The following TRIO variants were observed in gnomAD, a reference collection of about 807,000 sequenced individuals.
The protein encoded by TRIO is triple functional domain protein.
In TRIO, 58 loss-of-function variants were observed where a neutral mutation model predicts 351.9. That is an observed-to-expected ratio of 0.16 (90% CI 0.13 to 0.21). TRIO has a LOEUF of 0.21. TRIO is among the 10% of genes least tolerant of loss of function. TRIO has a pLI of 1.00. For synonymous variants in TRIO, 1,758 were observed against 1,595.7 expected (o/e 1.10, Z -2.42); for missense variants, 3,201 against 4,027.8 (o/e 0.79, Z 5.56).
chr5:14,307,723 T>C (rs1738502407), intron 8 of TRIO, among the ~76,000 whole-genome samples: 1 of 152,246 alleles, frequency 6.6e-6, no homozygotes, highest in Non-Finnish European at 1.5e-5. Context: ...TACCAGTCTC[T>C]GTTTCTCATC....
chr5:14,487,862 A>G lies in TRIO; in HGVS notation c.7234A>G (p.Met2412Val), dbSNP rs1283417726. Residue 2412 changes from methionine (M) to valine (V), a missense_variant, in exon 48 of 57, where the codon ATG (methionine) becomes GTG (valine). By Grantham distance (21) the Met-to-Val change is conservative. Coordinates refer to ENST00000344204, the MANE Select transcript of TRIO (RefSeq NM_007118.4). Reference protein sequence around the residue: ...SEREAEPIPKMKVLESPRKGA... With the variant: ...SEREAEPIPKVKVLESPRKGA... ...GCGAGAAGCGGAGCCGATCCCCAAG[A>G]TGAAGGTGCTGGAGAGCCCCAGGAA... The G allele has an allele frequency of 5.2e-6, 8 of 1,532,838 alleles. No homozygotes were observed. In the Admixed American group the frequency reaches 1.0e-4, roughly 19 times the overall value. 95.0% of individuals were successfully genotyped at this position (1,532,838 alleles called of 1,614,324 possible). A position where few individuals can be genotyped will look rare whatever the true frequency, so the allele number is the denominator to read the frequency against.
At chr5:14,260,869 A>G (rs542290934) in intron 1 of TRIO, among the ~76,000 whole-genome samples, 1 of 152,304 alleles carries the variant, frequency 6.6e-6, no homozygotes, top group East Asian at 1.9e-4. Context: ...TTGTTCAGAC[A>G]CTCAGCTTTG....
chr5:14,290,609 A>T, intron 4 of TRIO, 107 bp from the exon 5 acceptor site: 1 of 1,149,738 alleles, frequency 8.7e-7, no homozygotes, highest in Non-Finnish European at 1.2e-6. Flanking sequence ...TTCTATAAAT[A>T]GATTACTTTA....
Position 14,498,213 on chromosome 5 carries a change from C to A in TRIO, c.8172C>A (p.Asn2724Lys). Residue 2724 changes from asparagine to lysine, a missense_variant, in exon 52 of 57, where the codon AAC (asparagine) becomes AAA (lysine). Around this residue, in one of 19 missense-constraint regions of TRIO, gnomAD observed 1,089 missense variants for 954.9 expected, o/e 1.14. Transcript: ENST00000344204. ...ASITWKGPEHNTLNNDGHYSI... is the reference protein window; with the variant it reads ...ASITWKGPEHKTLNNDGHYSI... ...TTACCTGGAAGGGCCCTGAACACAACACCTTGAACAACGATGGTCACTACA... is the reference window on the plus strand; with the variant it reads ...TTACCTGGAAGGGCCCTGAACACAAAACCTTGAACAACGATGGTCACTACA... 6.2e-7 allele frequency: 1 copy of A among 1,614,230 alleles called. No homozygotes were observed. Among genetic ancestry groups the A allele is most frequent in the South Asian group, 1.1e-5 (1 of 91,086 alleles).
intron 34 of TRIO, among the ~76,000 whole-genome samples, chr5:14,446,427 G>T (rs1039757368): frequency 6.6e-6 from 1 of 152,162 alleles, no homozygotes; most frequent in Non-Finnish European, 1.5e-5. Context: ...GTGGGAGACA[G>T]CTCTCAATAA....
intron 11 of TRIO, among the ~76,000 whole-genome samples, chr5:14,341,431 A>AT (rs1741932710): frequency 6.6e-6 from 1 of 152,132 alleles, no homozygotes; most frequent in Non-Finnish European, 1.5e-5. Flanking sequence ...GTAGCCTTTA[A>AT]ATTCCTTGAA....
chr5:14,483,896 TCTGAACTGTGCACCCATGCC>T (rs1034711172), intron 46 of TRIO, among the ~76,000 whole-genome samples: 2 of 152,054 alleles, frequency 1.3e-5, no homozygotes, highest in African/African-American at 2.4e-5. Context: ...GCAGCCATCA[TCTGAACTGTGCACCCATGCC>T]CTGAACTGTG....
intron 1 of TRIO, among the ~76,000 whole-genome samples, chr5:14,269,669 G>A (rs1003872364): frequency 1.3e-5 from 2 of 152,136 alleles, no homozygotes; most frequent in Non-Finnish European, 2.9e-5. Flanking sequence ...GGAGAGAGTC[G>A]TTTTTTATAA....
chr5:14,438,033 G>T (rs759962511), intron 34 of TRIO, among the ~76,000 whole-genome samples: 9 of 152,110 alleles, frequency 5.9e-5, no homozygotes, highest in Non-Finnish European at 1.3e-4. Flanking sequence ...ATTTTAAATT[G>T]TGTGTCCAGC....
rs1377477657 is a variant in TRIO at position 14,391,054 on chromosome 5, C to CTCATAACTT, written c.4218+68_4218+76dup. 9 of 1,302,726 alleles carry CTCATAACTT rather than the reference C, an allele frequency of 6.9e-6. No homozygotes were observed. The African/African-American group carries it at 1.1e-4, about 15-fold the overall frequency. 80.7% of individuals were successfully genotyped at this position (1,302,726 alleles called of 1,614,324 possible). On this transcript the variant is annotated intron_variant, in intron 27 of 56. Coordinates refer to ENST00000344204, the MANE Select transcript of TRIO (RefSeq NM_007118.4). ...GTTGTGTACATAAAATGCGGCATTA[C>CTCATAACTT]TCATAACTTTCACCTAATTGATAGT...
rs543177624 is a variant in TRIO, at chr5:14,405,610, G to A, written c.4717-238G>A. Among the ~76,000 whole-genome samples, 5 of 152,270 alleles carry A rather than the reference G, an allele frequency of 3.3e-5. No individual in the cohort carries two copies. In the South Asian group the frequency reaches 1.0e-3, roughly 32 times the overall value. ...TGGGGCTGGAGAATGATGGATTATT[G>A]CAATAGTCAGAGATCTGGAGTAATA... On this transcript the variant is annotated intron_variant, in intron 31 of 56. Coordinates refer to ENST00000344204, the MANE Select transcript of TRIO (RefSeq NM_007118.4).
chr5:14,264,813 C>A (rs1795567419), intron 1 of TRIO, among the ~76,000 whole-genome samples: 1 of 152,200 alleles, frequency 6.6e-6, no homozygotes, highest in Non-Finnish European at 1.5e-5. Context: ...GACGTCACCT[C>A]CCTCTGCGCG....
At chr5:14,300,466 C>T (rs1486777235) in intron 7 of TRIO, among the ~76,000 whole-genome samples, 1 of 152,188 alleles carries the variant, frequency 6.6e-6, no homozygotes, top group Non-Finnish European at 1.5e-5. Flanking sequence ...TAATTGACAG[C>T]ACAGATACAC....
At chr5:14,358,138 G>C (rs757146791) in intron 11 of TRIO, 40 bp from the exon 12 acceptor site, 2 of 1,586,840 alleles carry the variant, frequency 1.3e-6, no homozygotes, top group South Asian at 2.3e-5. Context: ...TGGTGGTGCA[G>C]CCAGGCCGGC....
At chr5:14,346,828 A>G (rs1277457777) in intron 11 of TRIO, among the ~76,000 whole-genome samples, 18 of 152,196 alleles carry the variant, frequency 1.2e-4, no homozygotes, top group Non-Finnish European at 5.9e-5. Flanking sequence ...GAATCAACCA[A>G]GGGTGCTAGC....
At chr5:14,318,076 G>A (rs1372134683) in intron 9 of TRIO, among the ~76,000 whole-genome samples, 5 of 150,366 alleles carry the variant, frequency 3.3e-5, no homozygotes, top group Admixed American at 6.6e-5. Flanking sequence ...GCAGTGGGCC[G>A]ATTATTGCAC....
In TRIO at chr5:14,406,567, C is replaced by T. The variant is rs368866246; in HGVS notation, c.4860-6C>T. On this transcript the variant is annotated splice_polypyrimidine_tract_variant and splice_region_variant and intron_variant, in intron 32 of 56. Coordinates refer to ENST00000344204, the MANE Select transcript of TRIO (RefSeq NM_007118.4). ...TCAGGAACTAAAAGTTTCTTTGCAC[C>T]GCCAGGGATGGAGAGGATCTGGACA... The T allele has an allele frequency of 7.1e-5, 115 of 1,613,690 alleles. No individual in the cohort carries two copies. The highest frequency in any genetic ancestry group is 1.3e-4 in the East Asian group (6 of 44,876).
intron 9 of TRIO, among the ~76,000 whole-genome samples, chr5:14,319,865 A>T (rs966119813): frequency 2.6e-5 from 4 of 152,124 alleles, no homozygotes; most frequent in African/African-American, 4.8e-5. Flanking sequence ...TTTCGAGGTT[A>T]ATTTTTTCCC....
chr5:14,488,389 T>G, intron 48 of TRIO, 129 bp downstream of exon 48: 1 of 1,385,544 alleles, frequency 7.2e-7, no homozygotes, highest in Non-Finnish European at 9.6e-7. Flanking sequence ...GGCCTCTACC[T>G]GGGACCAGGC....
Sources: gnomAD v4.1 joint callset for allele counts (sites outside exome capture counted in the v4.1 genomes callset) on GRCh38, gnomAD v4.1.1 for gene constraint, gnomAD v4.1.1 regional missense constraint, MANE v1.5 for transcripts, NCBI Gene and HGNC (gene_info 2026-07-23, HGNC 2026-07-21) for gene names.